SYCP2: variants seen among roughly 807,000 people sequenced by gnomAD.
The protein encoded by SYCP2 is synaptonemal complex protein 2, also known as synaptonemal complex lateral element protein.
Under a neutral mutation model 211.3 loss-of-function variants are expected in SYCP2, and 55 were observed. That is an observed-to-expected ratio of 0.26 (90% CI 0.21 to 0.33). SYCP2 has a LOEUF of 0.33. Ranked by LOEUF, SYCP2 falls within the 10% of genes least tolerant of loss-of-function variation. The pLI, the probability that SYCP2 is intolerant of heterozygous loss-of-function variation, is 1.00. For synonymous variants in SYCP2, 570 were observed against 555.2 expected (o/e 1.03, Z -0.37); for missense variants, 1,731 against 1,752.0 (o/e 0.99, Z 0.21).
chr20:59,909,300 T>C (rs2060271873), intron 14 of SYCP2, among the ~76,000 whole-genome samples: 1 of 152,222 alleles, frequency 6.6e-6, no homozygotes, highest in Non-Finnish European at 1.5e-5. Flanking sequence ...ACCCAAATTT[T>C]AGTAATCCTT....
At position 59,875,475 on chromosome 20, in the gene SYCP2, T is replaced by C; in HGVS notation, c.3151-6A>G. The C allele has an allele frequency of 6.2e-7, 1 of 1,601,408 alleles. No homozygotes were observed. The highest frequency in any genetic ancestry group is 8.5e-7 in the Non-Finnish European group (1 of 1,173,742). ...CTGGAATGGATATTCTCCTCCTAAATGTATCAATAACTTTCAAATTATACT... is the reference window on the plus strand; with the variant it reads ...CTGGAATGGATATTCTCCTCCTAAACGTATCAATAACTTTCAAATTATACT... On this transcript the variant is annotated splice_region_variant and splice_polypyrimidine_tract_variant and intron_variant, in intron 33 of 44. Coordinates refer to ENST00000357552, the MANE Select transcript of SYCP2 (RefSeq NM_014258.4).
At chr20:59,909,692 T>C (rs906707016) in intron 14 of SYCP2, among the ~76,000 whole-genome samples, 1 of 152,212 alleles carries the variant, frequency 6.6e-6, no homozygotes. Flanking sequence ...CTGTACATCT[T>C]TCAATTCTTT....
At chr20:59,900,899 A>G in intron 16 of SYCP2, 81 bp from the exon 17 acceptor site, 1 of 1,062,914 alleles carries the variant, frequency 9.4e-7, no homozygotes. Flanking sequence ...TTTCCATTTA[A>G]TGTAATTATT....
intron 35 of SYCP2, among the ~76,000 whole-genome samples, chr20:59,870,366 T>C (rs765421790): frequency 2.6e-5 from 4 of 151,638 alleles, no homozygotes; most frequent in South Asian, 2.1e-4. Context: ...TTCAGCAAGG[T>C]TGTTGGAGAT....
chr20:59,918,097 T>C (rs146361121), intron 7 of SYCP2, among the ~76,000 whole-genome samples: 1 of 152,326 alleles, frequency 6.6e-6, no homozygotes, highest in African/African-American at 2.4e-5. Flanking sequence ...AGCAGTCCAA[T>C]GGCAGTGGGG....
In SYCP2 at chr20:59,892,407, T is replaced by C; in HGVS notation, c.1947A>G (p.Lys649=). Residue 649 remains lysine, a synonymous_variant, in exon 24 of 45, where the codon AAA becomes AAG. Transcript: ENST00000357552. ...AAGAGGATGATTTTTGTTTAGTAAG[T>C]TTTTTATTTATAACAATATCTATTG... ...TLNQDIVINK[K]LTKQKSSSSI... is the part of the protein sequence containing the mutation. The C allele has an allele frequency of 1.3e-6, 2 of 1,530,624 alleles. No homozygotes were observed. Among genetic ancestry groups the C allele is most frequent in the Non-Finnish European group, 1.8e-6 (2 of 1,129,676 alleles). The allele number at this position is 1,530,624 out of a possible 1,614,324, so 94.8% of individuals were successfully genotyped here. A position where few individuals can be genotyped will look rare whatever the true frequency, so the allele number is the denominator to read the frequency against.
intron 35 of SYCP2, among the ~76,000 whole-genome samples, chr20:59,873,293 C>T (rs35647615): frequency 6.6e-6 from 1 of 152,232 alleles, no homozygotes; most frequent in East Asian, 1.9e-4. Flanking sequence ...TGCCCTTTGG[C>T]GGTATTGTTA....
Position 59,866,600 on chromosome 20 carries a change from CTCA to C in SYCP2, c.4126-14_4126-12del. On this transcript the variant is annotated splice_polypyrimidine_tract_variant and intron_variant, in intron 39 of 44. Transcript: ENST00000357552. ...CATTTTATGTCGGATCTGAAAAATA[CTCA>C]TTTTTAAGTTAAAATATCTTTACAA... 6.4e-7 allele frequency: 1 copy of C among 1,553,452 alleles called. No homozygotes were observed. Among genetic ancestry groups the C allele is most frequent in the South Asian group, 1.2e-5 (1 of 84,472 alleles).
At chr20:59,868,609 C>A in intron 37 of SYCP2, 41 bp from the exon 38 acceptor site, 1 of 1,532,560 alleles carries the variant, frequency 6.5e-7, no homozygotes, top group South Asian at 1.3e-5. Context: ...CTGCAATTTT[C>A]ATTAAAAATA....
intron 14 of SYCP2, among the ~76,000 whole-genome samples, chr20:59,907,910 A>G (rs2060241978): frequency 6.6e-6 from 1 of 152,220 alleles, no homozygotes; most frequent in Admixed American, 6.5e-5. Context: ...GAAAATGTGT[A>G]TAACTGAATG....
intron 35 of SYCP2, among the ~76,000 whole-genome samples, chr20:59,870,519 T>C (rs1255420296): frequency 6.6e-6 from 1 of 151,836 alleles, no homozygotes; most frequent in Non-Finnish European, 1.5e-5. Context: ...ATTTCCTTTG[T>C]AGGAGACTTC....
chr20:59,893,252 G>A, intron 21 of SYCP2, 53 bp from the exon 22 acceptor site: 1 of 1,179,874 alleles, frequency 8.5e-7, no homozygotes, highest in South Asian at 1.3e-5. Flanking sequence ...AGTTGGCAGG[G>A]GGATAGGGAG....
chr20:59,864,317 A>G lies in SYCP2; in HGVS notation c.4587T>C (p.Asn1529=). ...TGGTGATAAAAACTAGATTTCACAC[A>G]TTAGCATTTCTTTCATGAGACATGA... is the stretch of plus-strand genomic sequence containing the variant. ...SVFMSHERNA[N]V Residue 1529 remains asparagine, a synonymous_variant, in exon 45 of 45, where the codon AAT becomes AAC. Coordinates refer to ENST00000357552, the MANE Select transcript of SYCP2 (RefSeq NM_014258.4). The G allele has an allele frequency of 1.9e-6, 3 of 1,598,416 alleles. No homozygotes were observed. Among genetic ancestry groups the G allele is most frequent in the Non-Finnish European group, 1.7e-6 (2 of 1,169,824 alleles).
At chr20:59,902,221 CCA>C (rs1167271766) in intron 15 of SYCP2, among the ~76,000 whole-genome samples, 3 of 151,964 alleles carry the variant, frequency 2.0e-5, no homozygotes, top group African/African-American at 7.2e-5. Context: ...TCTATTAAAT[CCA>C]CAGTTGTTAT....
In SYCP2 at chr20:59,867,663, A is replaced by G. The variant is rs368128139; in HGVS notation, c.4125+48T>C. On this transcript the variant is annotated intron_variant, in intron 39 of 44. Coordinates refer to ENST00000357552, the MANE Select transcript of SYCP2 (RefSeq NM_014258.4). ...CCAATGGTCTAGTAGAAAGTGTGGCATATTATTATATTATTGGGTATAAAT... is the reference window on the plus strand; with the variant it reads ...CCAATGGTCTAGTAGAAAGTGTGGCGTATTATTATATTATTGGGTATAAAT... 26 of 1,502,090 alleles carry G rather than the reference A, an allele frequency of 1.7e-5. No homozygotes were observed. The African/African-American group carries it at 2.0e-4, about 11-fold the overall frequency. 93.0% of individuals were successfully genotyped at this position (1,502,090 alleles called of 1,614,324 possible).
chr20:59,903,280 T>A (rs1195825028), intron 15 of SYCP2, among the ~76,000 whole-genome samples: 1 of 152,138 alleles, frequency 6.6e-6, no homozygotes, highest in African/African-American at 2.4e-5. Context: ...GTTTTGTTGC[T>A]TGCTATAAAA....
At chr20:59,914,077 T>G (rs757920046) in intron 11 of SYCP2, 32 bp downstream of exon 11, 1 of 1,577,246 alleles carries the variant, frequency 6.3e-7, no homozygotes, top group African/African-American at 1.4e-5. Context: ...TTTTAAAAAT[T>G]CACGAATTTC....
Position 59,893,158 on chromosome 20 carries a change from T to C in SYCP2, c.1777A>G (p.Lys593Glu), listed in dbSNP as rs2059940512. The change falls in exon 22 of 45, where the codon AAA becomes GAA. Residue 593 changes from lysine (K) to glutamate (E), a missense_variant. Physicochemically the swap from Lys to Glu is moderately conservative, Grantham distance 56 (BLOSUM62 1). Around this residue, in one of 3 missense-constraint regions of SYCP2, gnomAD observed 1,387 missense variants for 1,351.3 expected, o/e 1.03. Transcript: ENST00000357552. ...DVIPDSQAAE[K>E]RDHTILPGVL... ...CATACTTACATAGTATGATCTCTTT[T>C]TTCCGCTGCCTGTGAATCTGGTATA... The C allele has an allele frequency of 1.2e-6, 2 of 1,603,630 alleles. No individual in the cohort carries two copies. Among genetic ancestry groups the C allele is most frequent in the Non-Finnish European group, 1.7e-6 (2 of 1,173,860 alleles).
rs2059619351 is a variant in SYCP2, at chr20:59,879,276, AT to A, written c.2941+1026del. On this transcript the variant is annotated intron_variant, in intron 31 of 44. Transcript: ENST00000357552. The stretch of plus-strand genomic sequence containing the variant: ...CAATACTGCATTCCCTGAATATACT[AT>A]GCTATTCCATACTTCTCTCCCTTTT... Among the ~76,000 whole-genome samples the A allele has an allele frequency of 2.0e-5, 3 of 150,736 alleles. No homozygotes were observed. In the Admixed American group the frequency reaches 2.1e-4, roughly 11 times the overall value.
Sources: gnomAD v4.1 joint callset for allele counts (sites outside exome capture counted in the v4.1 genomes callset) on GRCh38, gnomAD v4.1.1 for gene constraint, gnomAD v4.1.1 regional missense constraint, MANE v1.5 for transcripts, NCBI Gene and HGNC (gene_info 2026-07-23, HGNC 2026-07-21) for gene names.